The following RIOX2 variants were observed in gnomAD, a reference collection of about 807,000 sequenced individuals.
RIOX2 encodes the protein ribosomal oxygenase 2.
Under a neutral mutation model 51.2 loss-of-function variants are expected in RIOX2, and 43 were observed. The observed-to-expected ratio is 0.84, with a 90% CI of 0.66 to 1.08. The LOEUF (loss-of-function observed/expected upper bound fraction) is 1.08, where lower values mean the gene tolerates loss of function less well. Ranked by LOEUF, RIOX2 falls within the 50% of genes least tolerant of loss-of-function variation. The probability of loss-of-function intolerance (pLI) is 0.00; values close to 1 mark genes in which losing one functional copy is unlikely to be tolerated. For synonymous variants in RIOX2, 226 were observed against 218.5 expected, an observed-to-expected ratio of 1.03 and a Z score of -0.30; for missense variants, 566 against 561.7, an observed-to-expected ratio of 1.01 and a Z score of -0.08.
In RIOX2 at chr3:97,967,449, T is replaced by G; in HGVS notation, c.145A>C (p.Ile49Leu). 6.2e-7 allele frequency: 1 copy of G among 1,614,180 alleles called. No homozygotes were observed. The highest frequency in any genetic ancestry group is 8.5e-7 in the Non-Finnish European group (1 of 1,180,036). ...TCCTTGAAAAAAGTCTCTGTCTTGA[T>G]GGGCGAGATTAAACTTTCAAAGAGA... The part of the protein sequence containing the change: ...SSLFESLISP[I>L]KTETFFKEFW... The change falls in exon 2 of 10, where the codon ATC (isoleucine) becomes CTC (leucine). Residue 49 changes from isoleucine (I) to leucine (L), a missense_variant. Transcript: ENST00000394198.
intron 8 of RIOX2, 24 bp from the exon 9 acceptor site, chr3:97,945,911 T>C (rs1156983503): frequency 6.6e-7 from 1 of 1,523,790 alleles, no homozygotes; most frequent in South Asian, 1.1e-5. Context: ...ATAAATGCAT[T>C]AGGCCATCAA....
At position 97,942,422 on chromosome 3, in the gene RIOX2, C is replaced by A. The variant is rs1251908065; in HGVS notation, c.*2762G>T. On this transcript the variant is annotated 3_prime_UTR_variant, in exon 10 of 10. Transcript: ENST00000394198. ...AACTATCAGCTCTTATCTCAGTGAT[C>A]AACTTGTCCTTGATGTTAAAGGTGG... 34 of 1,610,546 alleles carry A rather than the reference C, an allele frequency of 2.1e-5. No individual in the cohort carries two copies. The highest frequency in any genetic ancestry group is 2.1e-5 in the Non-Finnish European group (25 of 1,177,890).
At position 97,945,825 on chromosome 3, in the gene RIOX2, G is replaced by A; in HGVS notation, c.1212C>T (p.His404=). The A allele has an allele frequency of 6.2e-7, 1 of 1,610,498 alleles. No homozygotes were observed. Among genetic ancestry groups the A allele is most frequent in the Non-Finnish European group, 8.5e-7 (1 of 1,177,292 alleles). Residue 404 remains histidine, a synonymous_variant, in exon 9 of 10, where the codon CAC becomes CAT. Transcript: ENST00000394198. The part of the protein sequence containing the change: ...YHSLKNSRET[H]MMGNEEETEF... ...CTGTTTCCTCCTCATTTCCCATCAT[G>A]TGTGTCTCTCTACTATTCTTTAAGG... is the stretch of plus-strand genomic sequence containing the variant.
At chr3:97,950,113 T>C in intron 6 of RIOX2, 98 bp from the exon 7 acceptor site, 5 of 1,162,496 alleles carry the variant, frequency 4.3e-6, no homozygotes, top group Non-Finnish European at 6.3e-6. Context: ...CCACCGGGTA[T>C]AGACATTAAT....
intron 1 of RIOX2, among the ~76,000 whole-genome samples, 174 bp from the exon 2 acceptor site, chr3:97,967,806 T>G (rs1705951256): frequency 6.6e-6 from 1 of 152,190 alleles, no homozygotes; most frequent in African/African-American, 2.4e-5. Flanking sequence ...CCATTTCTTC[T>G]AAGATATGAT....
chr3:97,962,384 G>A (rs560185992), intron 2 of RIOX2, among the ~76,000 whole-genome samples: 1 of 116,592 alleles, frequency 8.6e-6, no homozygotes, highest in Non-Finnish European at 1.6e-5. Flanking sequence ...ACATGGAGAT[G>A]TCTTTAAGTC....
In RIOX2 at chr3:97,943,082, A is replaced by C. The variant is rs1338792321; in HGVS notation, c.*2102T>G. 3.3e-6 allele frequency: 2 copies of C among 603,364 alleles called. No individual in the cohort carries two copies. The highest frequency in any genetic ancestry group is 5.8e-6 in the Non-Finnish European group (2 of 342,352). The allele number at this position is 603,364 out of a possible 1,614,324, so 37.4% of individuals were successfully genotyped here. A position where few individuals can be genotyped will look rare whatever the true frequency, so the allele number is the denominator to read the frequency against. On this transcript the variant is annotated 3_prime_UTR_variant, in exon 10 of 10. Coordinates refer to ENST00000394198, the MANE Select transcript of RIOX2 (RefSeq NM_153182.4). ...GGTGAATAATGGCTAAGCCTGTTCAAACTCAGCTTCCCATTTCAGACTTCT... is the reference window on the plus strand; with the variant it reads ...GGTGAATAATGGCTAAGCCTGTTCACACTCAGCTTCCCATTTCAGACTTCT...
intron 5 of RIOX2, among the ~76,000 whole-genome samples, chr3:97,952,468 C>T (rs371293943): frequency 3.9e-5 from 6 of 152,262 alleles, no homozygotes; most frequent in African/African-American, 1.4e-4. Context: ...CAAAAGCTAA[C>T]AGGGTCAATG....
At chr3:97,951,929 T>C (rs1289609497) in intron 5 of RIOX2, among the ~76,000 whole-genome samples, 1 of 152,234 alleles carries the variant, frequency 6.6e-6, no homozygotes, top group African/African-American at 2.4e-5. Context: ...TGCAGGTTTA[T>C]GTAGGTGGAA....
intron 1 of RIOX2, among the ~76,000 whole-genome samples, chr3:97,968,109 C>G (rs1193234222): frequency 6.6e-6 from 1 of 152,140 alleles, no homozygotes; most frequent in Non-Finnish European, 1.5e-5. Context: ...CTGCCAGGTG[C>G]TCCTCACCGC....
In RIOX2 at chr3:97,950,901, C is replaced by T; in HGVS notation, c.786-13G>A. ...ATCTCCCCATGAACTAGGATATGCA[C>T]CAAGGGGGAAAAAAAAACCAAAACA... On this transcript the variant is annotated splice_polypyrimidine_tract_variant and intron_variant, in intron 5 of 9. Transcript: ENST00000394198. The T allele has an allele frequency of 6.3e-7, 1 of 1,593,888 alleles. No individual in the cohort carries two copies. Among genetic ancestry groups the T allele is most frequent in the Non-Finnish European group, 8.6e-7 (1 of 1,162,788 alleles).
chr3:97,949,729 C>T (rs1451496457), intron 7 of RIOX2, 115 bp downstream of exon 7: 6 of 927,940 alleles, frequency 6.5e-6, no homozygotes, highest in South Asian at 1.6e-5. Context: ...ATGTGGTCCA[C>T]ATTAACACGA....
intron 1 of RIOX2, among the ~76,000 whole-genome samples, chr3:97,969,171 G>A (rs1456152417): frequency 6.6e-6 from 1 of 152,140 alleles, no homozygotes; most frequent in Non-Finnish European, 1.5e-5. Context: ...AGGACATGGT[G>A]GAAGACTAAC....
chr3:97,942,319 G>C lies in RIOX2; in HGVS notation c.*2865C>G. ...CATGTCTTGATGTGATTGGTGGCCG[G>C]GACACACCTGGAGCTAAAGTAGCTC... On this transcript the variant is annotated 3_prime_UTR_variant, in exon 10 of 10. Transcript: ENST00000394198. 6.2e-7 allele frequency: 1 copy of C among 1,611,124 alleles called. No homozygotes were observed. The highest frequency in any genetic ancestry group is 8.5e-7 in the Non-Finnish European group (1 of 1,178,244).
chr3:97,961,741 G>T, intron 2 of RIOX2, 33 bp from the exon 3 acceptor site: 1 of 1,555,070 alleles, frequency 6.4e-7, no homozygotes, highest in East Asian at 2.3e-5. Flanking sequence ...AAGGGTCGGC[G>T]TGGGGGAGTG....
intron 1 of RIOX2, among the ~76,000 whole-genome samples, chr3:97,969,040 G>T (rs1330137328): frequency 6.6e-6 from 1 of 152,270 alleles, no homozygotes; most frequent in Admixed American, 6.5e-5. Flanking sequence ...ACTTATAAAA[G>T]AAACTTTAGA....
In RIOX2 at chr3:97,959,142, C is replaced by T. The variant is rs199876198; in HGVS notation, c.590G>A (p.Arg197His). 24 of 1,613,976 alleles carry T rather than the reference C, an allele frequency of 1.5e-5. No homozygotes were observed. Among genetic ancestry groups the T allele is most frequent in the South Asian group, 3.3e-5 (3 of 91,050 alleles). The stretch of plus-strand genomic sequence containing the variant: ...CAGGGGCACAGTGGGGTGGTAGAGG[C>T]GCCAGTGTTTCTCTCCCTCCAGCTG... ...ILQLEGEKHW[R>H]LYHPTVPLAR... The change falls in exon 4 of 10, where the codon CGC becomes CAC. Residue 197 changes from arginine to histidine, a missense_variant. Arg to His is a conservative substitution (Grantham distance 29). Transcript: ENST00000394198.
At position 97,947,426 on chromosome 3, in the gene RIOX2, T is replaced by C. The variant is rs1201636059; in HGVS notation, c.1084A>G (p.Ser362Gly). 6.2e-7 allele frequency: 1 copy of C among 1,613,440 alleles called. No homozygotes were observed. The highest frequency in any genetic ancestry group is 8.5e-7 in the Non-Finnish European group (1 of 1,179,518). Reference protein sequence around the residue: ...TPGGKLPRLDSVVRLQFKDHI... With the variant: ...TPGGKLPRLDGVVRLQFKDHI... ...TCTTTAAACTGCAGTCTCACTACAC[T>C]GTCCAGCCTCGGTAACTTTCCACCT... The change falls in exon 8 of 10, where the codon AGT becomes GGT. Residue 362 changes from serine (S) to glycine (G), a missense_variant. Physicochemically the swap from Ser to Gly is moderately conservative, Grantham distance 56. Transcript: ENST00000394198.
At chr3:97,951,830 A>G (rs1304073853) in intron 5 of RIOX2, among the ~76,000 whole-genome samples, 1 of 152,172 alleles carries the variant, frequency 6.6e-6, no homozygotes, top group Non-Finnish European at 1.5e-5. Flanking sequence ...TTTGTGACTT[A>G]ATGTTATATC....
Sources: gnomAD v4.1 joint callset for allele counts (sites outside exome capture counted in the v4.1 genomes callset) on GRCh38, gnomAD v4.1.1 for gene constraint, MANE v1.5 for transcripts, NCBI Gene and HGNC (gene_info 2026-07-23, HGNC 2026-07-21) for gene names.